Variants in CSMD1 observed in about 807,000 individuals in gnomAD.
CSMD1 encodes CUB and Sushi multiple domains 1, also known as CUB and sushi domain-containing protein 1.
In CSMD1, 213 loss-of-function variants were observed where a neutral mutation model predicts 417.5. The observed-to-expected ratio is 0.51, with a 90% CI of 0.46 to 0.57. The LOEUF is 0.57. Ranked by LOEUF, CSMD1 falls within the 20% of genes least tolerant of loss-of-function variation. The pLI, the probability that CSMD1 is intolerant of heterozygous loss-of-function variation, is 0.00. For missense variants in CSMD1, 6,923 were observed against 4,529.7 expected (o/e 1.53, Z -15.17); for synonymous variants, 2,862 against 1,736.8 (o/e 1.65, Z -16.11).
At chr8:3,198,022 T>C (rs955308593) in intron 33 of CSMD1, among the ~76,000 whole-genome samples, 2 of 152,228 alleles carry the variant, frequency 1.3e-5, no homozygotes, top group Admixed American at 6.5e-5. Context: ...AGTCGTCATA[T>C]ACTCTTGAGG....
At chr8:3,631,711 T>A (rs991356879) in intron 7 of CSMD1, among the ~76,000 whole-genome samples, 1 of 152,234 alleles carries the variant, frequency 6.6e-6, no homozygotes, top group South Asian at 2.1e-4. Context: ...GAAATTTTAC[T>A]GTTCGAGAAA....
At chr8:4,068,864 G>C (rs1441823693) in intron 3 of CSMD1, among the ~76,000 whole-genome samples, 2 of 152,136 alleles carry the variant, frequency 1.3e-5, no homozygotes, top group African/African-American at 2.4e-5. Flanking sequence ...CCACCATCTA[G>C]TTAGGCACTG....
At chr8:4,458,953 C>T (rs938457733) in intron 2 of CSMD1, among the ~76,000 whole-genome samples, 2 of 152,162 alleles carry the variant, frequency 1.3e-5, no homozygotes, top group Non-Finnish European at 2.9e-5. Flanking sequence ...TGTAAACCAA[C>T]GAGGAAACAT....
intron 41 of CSMD1, among the ~76,000 whole-genome samples, chr8:3,120,870 T>C (rs960935806): frequency 2.0e-5 from 3 of 152,086 alleles, no homozygotes; most frequent in East Asian, 1.9e-4. Flanking sequence ...CAATATGCAA[T>C]GCTAGTGAGT....
intron 10 of CSMD1, among the ~76,000 whole-genome samples, chr8:3,506,800 GA>G (rs1464249075): frequency 6.6e-6 from 1 of 152,108 alleles, no homozygotes; most frequent in East Asian, 1.9e-4. Context: ...TCCACACCTG[GA>G]TTTTTTAAAT....
intron 10 of CSMD1, among the ~76,000 whole-genome samples, chr8:3,533,474 T>C (rs1798064248): frequency 6.6e-6 from 1 of 152,190 alleles, no homozygotes; most frequent in Non-Finnish European, 1.5e-5. Flanking sequence ...GTAAGTGGAA[T>C]CATGAAGTAT....
At chr8:4,092,194 G>T (rs1034776278) in intron 3 of CSMD1, among the ~76,000 whole-genome samples, 1 of 152,074 alleles carries the variant, frequency 6.6e-6, no homozygotes, top group African/African-American at 2.4e-5. Context: ...GAAATTAATA[G>T]ACATGTATTG....
intron 5 of CSMD1, among the ~76,000 whole-genome samples, chr8:3,755,326 G>C (rs937371802): frequency 2.6e-4 from 39 of 152,184 alleles, no homozygotes; most frequent in African/African-American, 9.2e-4. Flanking sequence ...CCTGTATCAA[G>C]GGTCGAAAGA....
intron 5 of CSMD1, among the ~76,000 whole-genome samples, chr8:3,857,295 A>G (rs1216943826): frequency 6.6e-6 from 1 of 152,174 alleles, no homozygotes; most frequent in Non-Finnish European, 1.5e-5. Flanking sequence ...CTTTAGCATT[A>G]GGAGGGTTTT....
chr8:4,481,829 G>T (rs1464858745), intron 2 of CSMD1, among the ~76,000 whole-genome samples: 2 of 152,126 alleles, frequency 1.3e-5, no homozygotes, highest in East Asian at 3.9e-4. Flanking sequence ...ATAATCCCAG[G>T]AGGTAGGTAC....
Position 2,997,994 on chromosome 8 carries a change from C to T in CSMD1, c.8377+17G>A. On this transcript the variant is annotated intron_variant, in intron 54 of 69. Coordinates refer to ENST00000635120, the MANE Select transcript of CSMD1 (RefSeq NM_033225.6). ...CACTCTCAGAGCAAAGGGCTCATTC[C>T]TGGATGCTGTTCCTACCTCGACACG... is the stretch of plus-strand genomic sequence containing the variant. The T allele has an allele frequency of 6.2e-7, 1 of 1,609,936 alleles. No homozygotes were observed. The highest frequency in any genetic ancestry group is 1.3e-5 in the African/African-American group (1 of 74,992).
chr8:4,965,215 G>C (rs1344594412), intron 1 of CSMD1, among the ~76,000 whole-genome samples: 1 of 152,148 alleles, frequency 6.6e-6, no homozygotes, highest in Non-Finnish European at 1.5e-5. Flanking sequence ...TCTGATATAA[G>C]GATTTTAACA....
chr8:3,571,042 CTG>C (rs1252779658), intron 10 of CSMD1, among the ~76,000 whole-genome samples: 2 of 152,294 alleles, frequency 1.3e-5, no homozygotes, highest in East Asian at 3.9e-4. Flanking sequence ...AAAGTGGAAA[CTG>C]TGGGTATTCC....
intron 54 of CSMD1, among the ~76,000 whole-genome samples, chr8:2,986,138 G>A (rs1333601955): frequency 2.0e-5 from 3 of 152,138 alleles, no homozygotes; most frequent in African/African-American, 4.8e-5. Flanking sequence ...AAAGAAATAC[G>A]TTATAATTTA....
intron 1 of CSMD1, among the ~76,000 whole-genome samples, chr8:4,832,794 C>G (rs950854854): frequency 6.6e-6 from 1 of 152,038 alleles, no homozygotes; most frequent in Non-Finnish European, 1.5e-5. Context: ...CCCAGAGAGC[C>G]GAGACATTCA....
chr8:4,587,116 T>C lies in CSMD1; in HGVS notation c.302+50226A>G, dbSNP rs575426498. On this transcript the variant is annotated intron_variant, in intron 2 of 69. Coordinates refer to ENST00000635120, the MANE Select transcript of CSMD1 (RefSeq NM_033225.6). ...ACAATATCCTACAGAGGCCAATAGATTAGGTGCGCTCTCTTCTTCCACATT... is the reference window on the plus strand; with the variant it reads ...ACAATATCCTACAGAGGCCAATAGACTAGGTGCGCTCTCTTCTTCCACATT... Among the ~76,000 whole-genome samples the C allele has an allele frequency of 2.0e-5, 3 of 152,238 alleles. No individual in the cohort carries two copies. In the East Asian group the frequency reaches 5.8e-4, roughly 29 times the overall value.
chr8:3,962,880 C>G (rs187107990), intron 5 of CSMD1, among the ~76,000 whole-genome samples: 59 of 152,288 alleles, frequency 3.9e-4, no homozygotes, highest in African/African-American at 1.3e-3. Context: ...TGTAAAACAA[C>G]TGAAGCCTGT....
At chr8:3,571,750 G>C (rs1328599883) in intron 10 of CSMD1, among the ~76,000 whole-genome samples, 2 of 53,330 alleles carry the variant, frequency 3.8e-5, no homozygotes, top group African/African-American at 1.5e-4. Flanking sequence ...GTCTTGCTAA[G>C]TCTCCGTCTG....
chr8:3,277,810 T>G (rs562897861), intron 26 of CSMD1, among the ~76,000 whole-genome samples: 1 of 152,274 alleles, frequency 6.6e-6, no homozygotes, highest in South Asian at 2.1e-4. Context: ...TATTAACTAG[T>G]AATGGGATTG....
Sources: gnomAD v4.1 joint callset for allele counts (sites outside exome capture counted in the v4.1 genomes callset) on GRCh38, gnomAD v4.1.1 for gene constraint, MANE v1.5 for transcripts, NCBI Gene and HGNC (gene_info 2026-07-23, HGNC 2026-07-21) for gene names.